SDE2: variants seen among roughly 807,000 people sequenced by gnomAD.
SDE2 encodes the protein spliceosome associated SDE2.
A neutral mutation model predicts 46.9 loss-of-function variants in SDE2; 31 were observed. That is an observed-to-expected ratio of 0.66 (90% CI 0.50 to 0.89). SDE2 has a LOEUF of 0.89. Among genes scored for constraint, SDE2 ranks in the 40% least tolerant of loss-of-function variants. The probability of loss-of-function intolerance (pLI) is 0.00; values close to 1 mark genes in which losing one functional copy is unlikely to be tolerated. For synonymous variants in SDE2, 205 were observed against 204.3 expected (o/e 1.00, Z -0.03); for missense variants, 542 against 564.4 (o/e 0.96, Z 0.40).
In SDE2 at chr1:225,999,221, T is replaced by C. The variant is rs777216716; in HGVS notation, c.92A>G (p.Asp31Gly). The change falls in exon 1 of 7, where the codon GAT becomes GGT. Residue 31 changes from aspartate to glycine, a missense_variant. Transcript: ENST00000272091. ...RCASGRCTVR[D>G]FIHRHCQDQN... is the part of the protein sequence containing the mutation. ...ATCTTGGCAGTGCCGGTGGATAAAATCCCGGACGGTGCACCGACCCGAGGC... is the reference window on the plus strand; with the variant it reads ...ATCTTGGCAGTGCCGGTGGATAAAACCCCGGACGGTGCACCGACCCGAGGC... 9.9e-6 allele frequency: 16 copies of C among 1,612,386 alleles called. No individual in the cohort carries two copies. The highest frequency in any genetic ancestry group is 1.2e-5 in the Non-Finnish European group (14 of 1,179,260).
rs1656161748 is a variant in SDE2, at chr1:225,982,894, T to G, written c.*2408A>C. The G allele has an allele frequency of 6.6e-6, 1 of 152,186 alleles. No homozygotes were observed. The highest frequency in any genetic ancestry group is 1.5e-5 in the Non-Finnish European group (1 of 68,036). The allele number at this position is 152,186 out of a possible 1,614,324, so 9.4% of individuals were successfully genotyped here. A position where few individuals can be genotyped will look rare whatever the true frequency, so the allele number is the denominator to read the frequency against. On this transcript the variant is annotated 3_prime_UTR_variant, in exon 7 of 7. Transcript: ENST00000272091. The stretch of plus-strand genomic sequence containing the variant: ...GTACATACTTACAAGATTTCTACAT[T>G]TTATGTGAAGTGGCACATCAACTCT...
chr1:225,987,560 T>C (rs1447941362), intron 6 of SDE2, among the ~76,000 whole-genome samples: 1 of 152,180 alleles, frequency 6.6e-6, no homozygotes, highest in Non-Finnish European at 1.5e-5. Flanking sequence ...TATCATAATA[T>C]ACCCTCATTC....
At chr1:225,994,096 T>G (rs1050464618) in intron 2 of SDE2, among the ~76,000 whole-genome samples, 3 of 150,882 alleles carry the variant, frequency 2.0e-5, no homozygotes, top group Admixed American at 2.0e-4. Flanking sequence ...TTTTTTTTTT[T>G]GAGAGAGTCT....
chr1:225,997,488 G>A (rs952438770), intron 1 of SDE2, among the ~76,000 whole-genome samples: 1 of 152,116 alleles, frequency 6.6e-6, no homozygotes, highest in African/African-American at 2.4e-5. Context: ...GGAGTGCAAT[G>A]GCTCAATCTC....
intron 5 of SDE2, among the ~76,000 whole-genome samples, 163 bp downstream of exon 5, chr1:225,991,080 G>A (rs1656386959): frequency 6.6e-6 from 1 of 152,164 alleles, no homozygotes; most frequent in African/African-American, 2.4e-5. Context: ...ACCATTACCA[G>A]TACAATGTGA....
chr1:225,991,503 A>C, intron 4 of SDE2, 140 bp from the exon 5 acceptor site: 1 of 612,552 alleles, frequency 1.6e-6, no homozygotes, highest in South Asian at 2.3e-5. Flanking sequence ...TTATACAGTT[A>C]ATCTCAAATT....
At chr1:225,988,416 A>G (rs558321843) in intron 5 of SDE2, 28 bp from the exon 6 acceptor site, 6 of 1,607,856 alleles carry the variant, frequency 3.7e-6, no homozygotes, top group African/African-American at 2.7e-5. Flanking sequence ...AAGGTTTAAC[A>G]GCGTTTGTAG....
chr1:225,995,503 T>C (rs1558085732), intron 1 of SDE2, 120 bp from the exon 2 acceptor site: 9 of 523,694 alleles, frequency 1.7e-5, no homozygotes, highest in African/African-American at 2.0e-5. Context: ...CAATTAATAT[T>C]TGTTGAATTG....
intron 2 of SDE2, 71 bp downstream of exon 2, chr1:225,995,195 G>A (rs1042415342): frequency 2.5e-6 from 2 of 797,354 alleles, no homozygotes; most frequent in Admixed American, 4.2e-5. Context: ...AATGTCAGCA[G>A]CAGAATATGA....
rs1656222619 is a variant in SDE2, at chr1:225,984,364, T to G, written c.*938A>C. The G allele has an allele frequency of 6.6e-6, 1 of 152,138 alleles. No individual in the cohort carries two copies. The highest frequency in any genetic ancestry group is 1.5e-5 in the Non-Finnish European group (1 of 68,030). The allele number at this position is 152,138 out of a possible 1,614,324, so 9.4% of individuals were successfully genotyped here. A position where few individuals can be genotyped will look rare whatever the true frequency, so the allele number is the denominator to read the frequency against. Reference sequence around the variant, plus strand: ...AATGTATAGCTTTAAATATGTATTTTAAATAACGTCTAAGATCAATGACCT... The same window carrying G: ...AATGTATAGCTTTAAATATGTATTTGAAATAACGTCTAAGATCAATGACCT... On this transcript the variant is annotated 3_prime_UTR_variant, in exon 7 of 7. Coordinates refer to ENST00000272091, the MANE Select transcript of SDE2 (RefSeq NM_152608.4).
intron 1 of SDE2, among the ~76,000 whole-genome samples, chr1:225,998,404 C>G (rs1323871792): frequency 6.6e-6 from 1 of 152,074 alleles, no homozygotes; most frequent in Non-Finnish European, 1.5e-5. Context: ...GAGGAAATAG[C>G]CGAGGAAAGC....
intron 3 of SDE2, 42 bp from the exon 4 acceptor site, chr1:225,992,609 T>C (rs1215809738): frequency 5.7e-6 from 7 of 1,219,684 alleles, no homozygotes; most frequent in South Asian, 4.9e-5. Flanking sequence ...ATAGATATAT[T>C]ACATATACAC....
At position 225,985,179 on chromosome 1, in the gene SDE2, G is replaced by A; in HGVS notation, c.*123C>T. 2 of 693,784 alleles carry A rather than the reference G, an allele frequency of 2.9e-6. No individual in the cohort carries two copies. The highest frequency in any genetic ancestry group is 7.7e-4 in the Middle Eastern group (2 of 2,592). 43.0% of individuals were successfully genotyped at this position (693,784 alleles called of 1,614,324 possible). ...AGCCCTGACAAGGAAAAAGGGGATA[G>A]TTAGAATTGGGTTACTAAAAAGTTA... On this transcript the variant is annotated 3_prime_UTR_variant, in exon 7 of 7. Coordinates refer to ENST00000272091, the MANE Select transcript of SDE2 (RefSeq NM_152608.4).
intron 3 of SDE2, 69 bp downstream of exon 3, chr1:225,992,822 T>C (rs181500407): frequency 9.4e-5 from 80 of 850,752 alleles, no homozygotes; most frequent in Admixed American, 8.1e-4. Flanking sequence ...GCGTGGCATA[T>C]GTATAATCAC....
At position 225,995,299 on chromosome 1, in the gene SDE2, T is replaced by C; in HGVS notation, c.205A>G (p.Ser69Gly). 1.2e-6 allele frequency: 2 copies of C among 1,611,782 alleles called. No individual in the cohort carries two copies. The highest frequency in any genetic ancestry group is 2.2e-5 in the East Asian group (1 of 44,836). ...CCACCGCAAAGTCTGGGTTCCAAAC[T>C]ATAAACAGCTCCATGCTGCACTGTG... Reference protein sequence around the residue: ...SDTVQHGAVYSLEPRLCGGKG... With the variant: ...SDTVQHGAVYGLEPRLCGGKG... The change falls in exon 2 of 7, where the codon AGT becomes GGT. Residue 69 changes from serine (S) to glycine (G), a missense_variant. By Grantham distance (56) the Ser-to-Gly change is moderately conservative. Coordinates refer to ENST00000272091, the MANE Select transcript of SDE2 (RefSeq NM_152608.4).
At chr1:225,998,231 A>C (rs1037386308) in intron 1 of SDE2, among the ~76,000 whole-genome samples, 1 of 152,240 alleles carries the variant, frequency 6.6e-6, no homozygotes, top group Non-Finnish European at 1.5e-5. Flanking sequence ...AGTTGTGCTT[A>C]CAGTTTTTAG....
intron 1 of SDE2, 70 bp from the exon 2 acceptor site, chr1:225,995,453 T>C: frequency 1.8e-5 from 14 of 793,860 alleles, no homozygotes; most frequent in Non-Finnish European, 3.1e-5. Flanking sequence ...AGAAGGGACC[T>C]AGCTGTCTTT....
chr1:225,988,565 C>T (rs139756681), intron 5 of SDE2, among the ~76,000 whole-genome samples, 177 bp from the exon 6 acceptor site: 2,610 of 152,192 alleles, frequency 0.017, 35 homozygotes, highest in Middle Eastern at 0.044. Flanking sequence ...CCCATCTCTA[C>T]TAAAAATACA....
Position 225,985,248 on chromosome 1 carries a change from G to A in SDE2, c.*54C>T. ...AATACTGGTCAAGAGTCCACATTAT[G>A]CAGGTTGTAAATGGTAGACACTATA... On this transcript the variant is annotated 3_prime_UTR_variant, in exon 7 of 7. Transcript: ENST00000272091. The A allele has an allele frequency of 7.4e-7, 1 of 1,353,994 alleles. No homozygotes were observed. Among genetic ancestry groups the A allele is most frequent in the Admixed American group, 1.7e-5 (1 of 59,324 alleles). The allele number at this position is 1,353,994 out of a possible 1,614,324, so 83.9% of individuals were successfully genotyped here. A position where few individuals can be genotyped will look rare whatever the true frequency, so the allele number is the denominator to read the frequency against.
Sources: gnomAD v4.1 joint callset for allele counts (sites outside exome capture counted in the v4.1 genomes callset) on GRCh38, gnomAD v4.1.1 for gene constraint, MANE v1.5 for transcripts, NCBI Gene and HGNC (gene_info 2026-07-23, HGNC 2026-07-21) for gene names.